Variants in LARP1 observed in about 807,000 individuals in gnomAD.
The protein encoded by LARP1 is la-related protein 1.
A neutral mutation model predicts 122.7 loss-of-function variants in LARP1; 36 were observed. That is an observed-to-expected ratio of 0.29 (90% CI 0.22 to 0.39). LARP1 has a LOEUF of 0.39. Ranked by LOEUF, LARP1 falls within the 10% of genes least tolerant of loss-of-function variation. The pLI is 1.00. For missense variants in LARP1, 1,040 were observed against 1,403.6 expected (o/e 0.74, Z 4.14); for synonymous variants, 539 against 528.7 (o/e 1.02, Z -0.27).
intron 1 of LARP1, among the ~76,000 whole-genome samples, chr5:154,750,087 C>G (rs1167120452): frequency 4.7e-4 from 71 of 152,232 alleles, no homozygotes; most frequent in Admixed American, 4.6e-3. Flanking sequence ...ACCAATTCTC[C>G]CAGCTCTCTA....
chr5:154,808,378 C>G (rs190394915), intron 15 of LARP1, 81 bp from the exon 16 acceptor site: 2 of 1,522,172 alleles, frequency 1.3e-6, no homozygotes, highest in African/African-American at 1.4e-5. Flanking sequence ...AGGACCAAGT[C>G]TTAAGTTCCA....
In LARP1 at chr5:154,726,947, G is replaced by C. The variant is rs115082834; in HGVS notation, c.205+13817G>C. Among the ~76,000 whole-genome samples, 375 of 152,268 alleles carry C rather than the reference G, an allele frequency of 2.5e-3. 1 individual carries two copies. Among genetic ancestry groups the C allele is most frequent in the African/African-American group, 7.9e-3 (328 of 41,564 alleles). On this transcript the variant is annotated intron_variant, in intron 1 of 18. Transcript: ENST00000336314. ...TCACTCGTTATCACGAGAACAGCATGGGGGAAACCGCTTCCATGATTCACT... is the reference window on the plus strand; with the variant it reads ...TCACTCGTTATCACGAGAACAGCATCGGGGAAACCGCTTCCATGATTCACT...
intron 1 of LARP1, among the ~76,000 whole-genome samples, chr5:154,707,347 T>G (rs897446404): frequency 5.3e-5 from 8 of 152,244 alleles, no homozygotes. Context: ...TCTTTACTGA[T>G]ACTCAAGGAG....
At position 154,809,088 on chromosome 5, in the gene LARP1, T is replaced by C. The variant is rs572000827; in HGVS notation, c.2843+485T>C. Among the ~76,000 whole-genome samples the C allele has an allele frequency of 8.5e-5, 13 of 152,308 alleles. No homozygotes were observed. In the South Asian group the frequency reaches 2.5e-3, roughly 29 times the overall value. Reference sequence around the variant, plus strand: ...TTTTATGGGCTGTAACATGGTCTTATATGGATGTACCATGATTTATTTAGT... The same window carrying C: ...TTTTATGGGCTGTAACATGGTCTTACATGGATGTACCATGATTTATTTAGT... On this transcript the variant is annotated intron_variant, in intron 16 of 18. Coordinates refer to ENST00000518297, the MANE Select transcript of LARP1 (RefSeq NM_033551.3).
At chr5:154,778,560 A>G (rs1756123563) in intron 1 of LARP1, among the ~76,000 whole-genome samples, 1 of 152,216 alleles carries the variant, frequency 6.6e-6, no homozygotes, top group Admixed American at 6.5e-5. Flanking sequence ...GGCTGCATTT[A>G]TGGAGATCAA....
chr5:154,730,213 G>T (rs1037947147), intron 1 of LARP1, among the ~76,000 whole-genome samples: 29 of 152,020 alleles, frequency 1.9e-4, no homozygotes, highest in Admixed American at 1.8e-3. Context: ...TTTTGAGGTG[G>T]AGTCTTGCTC....
intron 1 of LARP1, among the ~76,000 whole-genome samples, chr5:154,780,710 T>C (rs1285950988): frequency 6.6e-6 from 1 of 152,192 alleles, no homozygotes; most frequent in Non-Finnish European, 1.5e-5. Context: ...AAGTAATTTT[T>C]TGGGGATTCA....
upstream of LARP1, among the ~76,000 whole-genome samples, chr5:154,712,154 T>C (rs1755250961): frequency 6.6e-6 from 1 of 152,206 alleles, no homozygotes; most frequent in Admixed American, 6.5e-5. Context: ...TAATGCCTTT[T>C]GAATAATGAA....
intron 1 of LARP1, among the ~76,000 whole-genome samples, chr5:154,766,160 G>A (rs1754935536): frequency 1.3e-5 from 2 of 152,236 alleles, no homozygotes. Context: ...TAGTATGGAT[G>A]ATTAGAAAGT....
At position 154,808,452 on chromosome 5, in the gene LARP1, C is replaced by T. The variant is rs749584118; in HGVS notation, c.2699-7C>T. The T allele has an allele frequency of 3.1e-6, 5 of 1,608,684 alleles. No individual in the cohort carries two copies. In the East Asian group the frequency reaches 1.1e-4, roughly 36 times the overall value. On this transcript the variant is annotated splice_region_variant and splice_polypyrimidine_tract_variant and intron_variant, in intron 15 of 18. Transcript: ENST00000518297. ...AGACATGCCTTTCCTCCTTTCTTTCCCATCAGAGCGGAAACGCTTGGGCAT... is the reference window on the plus strand; with the variant it reads ...AGACATGCCTTTCCTCCTTTCTTTCTCATCAGAGCGGAAACGCTTGGGCAT...
chr5:154,809,288 G>A (rs893592612), intron 16 of LARP1, among the ~76,000 whole-genome samples: 4 of 149,206 alleles, frequency 2.7e-5, no homozygotes, highest in African/African-American at 2.5e-5. Flanking sequence ...TCAAGCGATC[G>A]TTCTGCCATA....
At chr5:154,780,236 C>G (rs967475470) in intron 1 of LARP1, among the ~76,000 whole-genome samples, 1 of 152,226 alleles carries the variant, frequency 6.6e-6, no homozygotes, top group Non-Finnish European at 1.5e-5. Context: ...CCCACTAAGT[C>G]TTCCAGAGGG....
chr5:154,761,327 T>G (rs1436658162), intron 1 of LARP1, among the ~76,000 whole-genome samples: 1 of 152,168 alleles, frequency 6.6e-6, no homozygotes, highest in Non-Finnish European at 1.5e-5. Context: ...ACAAGCTTTC[T>G]TGAACTCTGA....
intron 1 of LARP1, among the ~76,000 whole-genome samples, chr5:154,693,722 G>A (rs980748850): frequency 2.6e-5 from 4 of 152,036 alleles, no homozygotes; most frequent in Non-Finnish European, 4.4e-5. Flanking sequence ...CGGGCGTGGT[G>A]GCGGGCTCCT....
chr5:154,798,514 T>C (rs554939931), intron 8 of LARP1, among the ~76,000 whole-genome samples: 1 of 152,352 alleles, frequency 6.6e-6, no homozygotes, highest in East Asian at 1.9e-4. Flanking sequence ...GCTGCTCCTA[T>C]AGATGGATGT....
At chr5:154,806,728 T>A (rs978526195) in intron 15 of LARP1, among the ~76,000 whole-genome samples, 2 of 152,210 alleles carry the variant, frequency 1.3e-5, no homozygotes, top group Non-Finnish European at 2.9e-5. Context: ...CCTCTTTCAT[T>A]CAACAAAACG....
At chr5:154,703,011 C>G (rs1354811374) in intron 1 of LARP1, among the ~76,000 whole-genome samples, 1 of 150,886 alleles carries the variant, frequency 6.6e-6, no homozygotes, top group Non-Finnish European at 1.5e-5. Flanking sequence ...GTCCCAGCTA[C>G]TCAGGAGGCT....
chr5:154,745,382 C>T (rs1753136378), intron 1 of LARP1, among the ~76,000 whole-genome samples: 1 of 152,202 alleles, frequency 6.6e-6, no homozygotes, highest in Non-Finnish European at 1.5e-5. Context: ...AATGCTTCTC[C>T]TAACTCTATG....
chr5:154,732,892 C>T (rs1055914320), intron 1 of LARP1, among the ~76,000 whole-genome samples: 3 of 152,154 alleles, frequency 2.0e-5, no homozygotes, highest in African/African-American at 7.2e-5. Flanking sequence ...ATTAAAATTA[C>T]CATGTTTGAC....
Sources: gnomAD v4.1 joint callset for allele counts (sites outside exome capture counted in the v4.1 genomes callset) on GRCh38, gnomAD v4.1.1 for gene constraint, MANE v1.5 for transcripts, NCBI Gene and HGNC (gene_info 2026-07-23, HGNC 2026-07-21) for gene names.